Variants in SLC25A19 observed in about 807,000 individuals in gnomAD.
SLC25A19 encodes the protein mitochondrial thiamine pyrophosphate carrier.
In SLC25A19, 18 loss-of-function variants were observed where a neutral mutation model predicts 27.9. The ratio of observed to expected loss-of-function variants is 0.64; its 90% CI spans 0.45 to 0.96. The LOEUF (loss-of-function observed/expected upper bound fraction) is 0.96. SLC25A19 is among the 40% of genes least tolerant of loss of function. The pLI, the probability that SLC25A19 is intolerant of heterozygous loss-of-function variation, is 0.00. For synonymous variants in SLC25A19, 169 were observed against 167.1 expected (o/e 1.01, Z -0.09); for missense variants, 371 against 418.3 (o/e 0.89, Z 0.99).
rs937366535 is a variant in SLC25A19 at position 75,286,984 on chromosome 17, T to C, written c.-38-182A>G. ...CGGAGGCCGAGGTGGGTGGATTGCT[T>C]GAGCTCAGGAGTTCAAGACCAGCCT... On this transcript the variant is annotated intron_variant, in intron 2 of 7. Coordinates refer to ENST00000416858, the MANE Select transcript of SLC25A19 (RefSeq NM_001126121.2). 5.3e-6 allele frequency: 3 copies of C among 561,114 alleles called. No homozygotes were observed. In the African/African-American group the frequency reaches 5.6e-5, roughly 10 times the overall value. 34.8% of individuals were successfully genotyped at this position (561,114 alleles called of 1,614,324 possible).
Position 75,273,460 on chromosome 17 carries a change from G to C in SLC25A19, c.954C>G (p.Ser318Arg). ...GGGGTCCTTCCTGCACTCAGCGCTG[G>C]CTGGCTGTCCTGTTCATGCAGTGGA... Reference protein sequence around the residue: ...NVFHCMNRTASQR With the variant: ...NVFHCMNRTARQR The change falls in exon 8 of 8, where the codon AGC becomes AGG. Residue 318 changes from serine (S) to arginine (R), a missense_variant. Ser to Arg is a moderately radical substitution (Grantham distance 110, BLOSUM62 -1). Coordinates refer to ENST00000416858, the MANE Select transcript of SLC25A19 (RefSeq NM_001126121.2). 6.2e-7 allele frequency: 1 copy of C among 1,613,894 alleles called. No homozygotes were observed. The highest frequency in any genetic ancestry group is 8.5e-7 in the Non-Finnish European group (1 of 1,179,984).
chr17:75,277,813 C>G (rs1399210205), intron 6 of SLC25A19, among the ~76,000 whole-genome samples: 1 of 150,964 alleles, frequency 6.6e-6, no homozygotes, highest in East Asian at 2.0e-4. Context: ...CAGCCTCCCC[C>G]TGCCCCCATC....
chr17:75,283,687 C>T (rs1441455177), intron 4 of SLC25A19, 94 bp from the exon 5 acceptor site: 3 of 1,293,506 alleles, frequency 2.3e-6, no homozygotes, highest in East Asian at 2.5e-5. Flanking sequence ...CCGGCTGGGG[C>T]CCAGGTGGAG....
At chr17:75,277,279 G>A (rs1195438555) in intron 7 of SLC25A19, 74 bp downstream of exon 7, 40 of 1,587,884 alleles carry the variant, frequency 2.5e-5, no homozygotes, top group Non-Finnish European at 2.9e-5. Context: ...ATGGGTAGGA[G>A]GTGACTACTG....
At chr17:75,286,262 C>A in intron 4 of SLC25A19, 42 bp downstream of exon 4, 2 of 1,609,370 alleles carry the variant, frequency 1.2e-6, no homozygotes, top group Non-Finnish European at 1.7e-6. Context: ...CTCCACTGAG[C>A]AACGTGACCC....
At chr17:75,278,067 A>C in intron 6 of SLC25A19, 85 bp downstream of exon 6, 1 of 1,471,338 alleles carries the variant, frequency 6.8e-7, no homozygotes, top group Non-Finnish European at 9.5e-7. Context: ...TTCGGACAGG[A>C]GAACTTTAGC....
chr17:75,281,462 A>T (rs10852761), intron 5 of SLC25A19, among the ~76,000 whole-genome samples: 7 of 152,170 alleles, frequency 4.6e-5, no homozygotes, highest in South Asian at 2.1e-4. Flanking sequence ...TTTGGGAGAC[A>T]GAGGCCAGGG....
Position 75,272,992 on chromosome 17 carries a change from T to G in SLC25A19, c.*459A>C. ...AGGGGAGATGGAGTAAGATAAGGAA[T>G]GTGTGTTTAGCTTTAATGTCTATTA... is the stretch of plus-strand genomic sequence containing the variant. On this transcript the variant is annotated 3_prime_UTR_variant, in exon 8 of 8. Coordinates refer to ENST00000416858, the MANE Select transcript of SLC25A19 (RefSeq NM_001126121.2). 3.0e-6 allele frequency: 1 copy of G among 332,036 alleles called. No individual in the cohort carries two copies. Among genetic ancestry groups the G allele is most frequent in the Non-Finnish European group, 6.0e-6 (1 of 168,030 alleles). The allele number at this position is 332,036 out of a possible 1,614,324, so 20.6% of individuals were successfully genotyped here. A position where few individuals can be genotyped will look rare whatever the true frequency, so the allele number is the denominator to read the frequency against.
intron 6 of SLC25A19, 50 bp from the exon 7 acceptor site, chr17:75,277,533 A>G (rs2077922220): frequency 1.9e-6 from 3 of 1,609,896 alleles, no homozygotes; most frequent in Admixed American, 1.7e-5. Context: ...AATGCAGTCT[A>G]TGGGTGACAA....
chr17:75,274,973 CTTTTTTTTTTTTTTTTTTTT>C (rs67040059), intron 7 of SLC25A19, among the ~76,000 whole-genome samples: 3 of 47,174 alleles, frequency 6.4e-5, no homozygotes, highest in South Asian at 1.1e-3. Context: ...GGATTTTGGT[CTTTTTTTTTTTTTTTTTTTT>C]TTTTTTTTTT....
intron 5 of SLC25A19, among the ~76,000 whole-genome samples, chr17:75,282,414 A>G (rs2078060672): frequency 1.3e-5 from 2 of 151,954 alleles, no homozygotes; most frequent in African/African-American, 4.8e-5. Flanking sequence ...GCTGGGCATG[A>G]TGGCAGGCGC....
chr17:75,289,419 C>G lies in SLC25A19; in HGVS notation c.-194G>C, dbSNP rs2078259708. ...TCTCTAGCTCCTCGCGCAGTCTTAACAGCAAAACTCTACTGAGCTCGGACG... is the reference window on the plus strand; with the variant it reads ...TCTCTAGCTCCTCGCGCAGTCTTAAGAGCAAAACTCTACTGAGCTCGGACG... On this transcript the variant is annotated 5_prime_UTR_variant, in exon 1 of 8. Transcript: ENST00000416858. 1 of 152,328 alleles carries G rather than the reference C, an allele frequency of 6.6e-6. No individual in the cohort carries two copies. The highest frequency in any genetic ancestry group is 1.9e-4 in the East Asian group (1 of 5,200). The allele number at this position is 152,328 out of a possible 1,614,324, so 9.4% of individuals were successfully genotyped here. A position where few individuals can be genotyped will look rare whatever the true frequency, so the allele number is the denominator to read the frequency against.
intron 7 of SLC25A19, among the ~76,000 whole-genome samples, chr17:75,277,133 A>G (rs1426685287): frequency 1.3e-5 from 2 of 151,562 alleles, no homozygotes; most frequent in Non-Finnish European, 2.9e-5. Flanking sequence ...AAAAAAGAGC[A>G]GACACTGTAT....
chr17:75,282,160 G>C (rs2078053890), intron 5 of SLC25A19, among the ~76,000 whole-genome samples: 1 of 152,114 alleles, frequency 6.6e-6, no homozygotes, highest in African/African-American at 2.4e-5. Flanking sequence ...GGCTGAGGCA[G>C]AAGGATCACT....
chr17:75,284,889 C>T (rs899322), intron 4 of SLC25A19, among the ~76,000 whole-genome samples: 108,774 of 151,544 alleles, frequency 0.72, 40,066 homozygotes, highest in East Asian at 0.88. Flanking sequence ...GCAATCTGCC[C>T]GCCTTGGGCT....
Position 75,286,323 on chromosome 17 carries a change from A to G in SLC25A19, c.269T>C (p.Ile90Thr), listed in dbSNP as rs1214886549. ...ACCTACTTGGACAGCTCCATAGCCT[A>G]TGGAGAGAATCTGAGCTGGGACGTG... is the stretch of plus-strand genomic sequence containing the variant. ...KGHVPAQILSIGYGAVQFLSF... is the reference protein window; with the variant it reads ...KGHVPAQILSTGYGAVQFLSF... The change falls in exon 4 of 8, where the codon ATA (isoleucine) becomes ACA (threonine). Residue 90 changes from isoleucine to threonine, a missense_variant. Physicochemically the swap from Ile to Thr is moderately conservative, Grantham distance 89. Coordinates refer to ENST00000416858, the MANE Select transcript of SLC25A19 (RefSeq NM_001126121.2). 1.2e-6 allele frequency: 2 copies of G among 1,614,002 alleles called. No homozygotes were observed. Among genetic ancestry groups the G allele is most frequent in the South Asian group, 1.1e-5 (1 of 91,084 alleles).
intron 7 of SLC25A19, among the ~76,000 whole-genome samples, chr17:75,275,155 A>AT (rs1257066050): frequency 2.0e-5 from 3 of 151,184 alleles, no homozygotes; most frequent in Admixed American, 6.6e-5. Context: ...TGCCCAGCTA[A>AT]TTTTTTAATT....
chr17:75,277,208 C>T, intron 7 of SLC25A19, 145 bp downstream of exon 7: 1 of 1,057,620 alleles, frequency 9.5e-7, no homozygotes, highest in Non-Finnish European at 1.4e-6. Flanking sequence ...TTCCCACATG[C>T]TTAGGGATCT....
chr17:75,281,202 T>A (rs2078031725), intron 5 of SLC25A19, among the ~76,000 whole-genome samples: 1 of 151,826 alleles, frequency 6.6e-6, no homozygotes, highest in African/African-American at 2.4e-5. Flanking sequence ...AAAATATATA[T>A]AAATAATAAC....
Sources: allele counts gnomAD v4.1 joint callset (sites outside exome capture counted in the v4.1 genomes callset), GRCh38; gene constraint gnomAD v4.1.1; transcripts MANE v1.5; gene names NCBI Gene and HGNC (gene_info 2026-07-23, HGNC 2026-07-21).